ANKRD6: variants seen among roughly 807,000 people sequenced by gnomAD.
The protein encoded by ANKRD6 is ankyrin repeat domain 6.
A neutral mutation model predicts 82.3 loss-of-function variants in ANKRD6; 56 were observed. The ratio of observed to expected loss-of-function variants is 0.68; its 90% CI spans 0.55 to 0.85. The LOEUF (loss-of-function observed/expected upper bound fraction) is 0.85. ANKRD6 is among the 40% of genes least tolerant of loss of function. The pLI is 0.00. For synonymous variants in ANKRD6, 347 were observed against 352.1 expected (o/e 0.99, Z 0.16); for missense variants, 852 against 907.6 (o/e 0.94, Z 0.79).
At chr6:89,494,961 A>G (rs894451768) in intron 1 of ANKRD6, among the ~76,000 whole-genome samples, 4 of 152,176 alleles carry the variant, frequency 2.6e-5, no homozygotes, top group Non-Finnish European at 5.9e-5. Flanking sequence ...AAGGCCGGGC[A>G]CGGTGGCTCA....
intron 1 of ANKRD6, among the ~76,000 whole-genome samples, chr6:89,541,445 T>A (rs1228607842): frequency 1.6e-5 from 2 of 128,538 alleles, no homozygotes; most frequent in East Asian, 4.6e-4. Context: ...CAGGCTGGAG[T>A]GCAGTGGCGC....
intron 1 of ANKRD6, among the ~76,000 whole-genome samples, chr6:89,524,038 A>T (rs1782175620): frequency 6.6e-6 from 1 of 152,322 alleles, no homozygotes; most frequent in South Asian, 2.1e-4. Context: ...CAGGAGAGCC[A>T]GACTAGCAGG....
Position 89,631,048 on chromosome 6 carries a change from G to A in ANKRD6, c.*44G>A, listed in dbSNP as rs1807304639. ...ATGAAAGGATTCTTGAAGATTTCCA[G>A]TTTTGCAACTGCATAATAGCTATGC... On this transcript the variant is annotated 3_prime_UTR_variant, in exon 16 of 16. Coordinates refer to ENST00000339746, the MANE Select transcript of ANKRD6 (RefSeq NM_001242809.2). The A allele has an allele frequency of 1.4e-6, 2 of 1,461,386 alleles. No individual in the cohort carries two copies. Among genetic ancestry groups the A allele is most frequent in the Admixed American group, 2.7e-5 (1 of 36,792 alleles). 90.5% of individuals were successfully genotyped at this position (1,461,386 alleles called of 1,614,324 possible).
At chr6:89,581,232 C>G (rs950946590) in intron 2 of ANKRD6, among the ~76,000 whole-genome samples, 8 of 152,182 alleles carry the variant, frequency 5.3e-5, no homozygotes, top group African/African-American at 1.9e-4. Context: ...TTATGTTAAT[C>G]TCCTGCCCTT....
At chr6:89,622,983 T>G (rs1804061648) in intron 10 of ANKRD6, among the ~76,000 whole-genome samples, 1 of 118,958 alleles carries the variant, frequency 8.4e-6, no homozygotes, top group Non-Finnish European at 1.7e-5. Flanking sequence ...TCTTACTCTT[T>G]GCCATGAGTG....
chr6:89,500,064 C>T (rs553568489), intron 1 of ANKRD6, among the ~76,000 whole-genome samples: 14 of 152,148 alleles, frequency 9.2e-5, no homozygotes, highest in Non-Finnish European at 1.6e-4. Flanking sequence ...TTTATGAGGC[C>T]TGGGCTTGGG....
chr6:89,574,959 A>G (rs1275174397), intron 2 of ANKRD6, among the ~76,000 whole-genome samples: 1 of 152,192 alleles, frequency 6.6e-6, no homozygotes, highest in Non-Finnish European at 1.5e-5. Context: ...TGCAGGGGAA[A>G]TTGTCCATTT....
chr6:89,530,508 G>C (rs1236428296), intron 1 of ANKRD6, among the ~76,000 whole-genome samples: 1 of 152,128 alleles, frequency 6.6e-6, no homozygotes, highest in African/African-American at 2.4e-5. Flanking sequence ...GCCTCATTCT[G>C]TGGTGACCTT....
Position 89,623,456 on chromosome 6 carries a change from C to A in ANKRD6, c.944C>A (p.Ala315Asp). 1 of 1,610,202 alleles carries A rather than the reference C, an allele frequency of 6.2e-7. No homozygotes were observed. The highest frequency in any genetic ancestry group is 8.5e-7 in the Non-Finnish European group (1 of 1,178,276). ...ACCCCCAGCAGTGAACAGGCTGTGG[C>A]CAGAAAAGAAGAAGCCAGAGAAGAG... ...GDTPSSEQAV[A>D]RKEEAREEFL... The change falls in exon 11 of 16, where the codon GCC (alanine) becomes GAC (aspartate). Residue 315 changes from alanine (A) to aspartate (D), a missense_variant. Transcript: ENST00000339746.
rs183716842 is a variant in ANKRD6 at position 89,548,678 on chromosome 6, A to G, written c.-143-18156A>G. 3.6e-4 allele frequency among the ~76,000 whole-genome samples: 55 copies of G among 152,338 alleles called. 1 individual carries two copies. The East Asian group carries it at 9.6e-3, about 27-fold the overall frequency. On this transcript the variant is annotated intron_variant, in intron 1 of 15. Coordinates refer to ENST00000339746, the MANE Select transcript of ANKRD6 (RefSeq NM_001242809.2). ...TAAGGCAGTGCTGTAGAAGCCCAGC[A>G]TATTATAGAGAGGAGAGTTCCCACT...
intron 1 of ANKRD6, among the ~76,000 whole-genome samples, chr6:89,553,412 T>C (rs753923113): frequency 4.6e-5 from 7 of 152,156 alleles, no homozygotes; most frequent in African/African-American, 9.7e-5. Context: ...TGGGATAGCG[T>C]AGAAGAAATA....
At chr6:89,590,502 G>A (rs941606195) in intron 2 of ANKRD6, among the ~76,000 whole-genome samples, 4 of 152,202 alleles carry the variant, frequency 2.6e-5, no homozygotes, top group Non-Finnish European at 5.9e-5. Context: ...AGAGCCAGAT[G>A]CAGAGAAAAT....
At chr6:89,601,876 A>T (rs1036593299) in intron 3 of ANKRD6, 1 of 152,146 alleles carries the variant, frequency 6.6e-6, no homozygotes, top group African/African-American at 2.4e-5. Flanking sequence ...AATCTGTTTT[A>T]TCTTATGATG....
At position 89,623,411 on chromosome 6, in the gene ANKRD6, G is replaced by A. The variant is rs761712828; in HGVS notation, c.899G>A (p.Gly300Asp). The stretch of plus-strand genomic sequence containing the variant: ...TCTCTGGGCTTTTTCCTTCTGTAGG[G>A]CAGTGTCTCAGCAGGAGACACCCCC... The part of the protein sequence containing the change: ...VPRDEVAQSK[G>D]SVSAGDTPSS... The change falls in exon 11 of 16, where the codon GGC becomes GAC. Residue 300 changes from glycine (G) to aspartate (D), a missense_variant and splice_region_variant. Gly to Asp is a moderately conservative substitution (Grantham distance 94). Transcript: ENST00000339746. The A allele has an allele frequency of 1.9e-6, 3 of 1,611,828 alleles. No homozygotes were observed. The Admixed American group carries it at 5.0e-5, about 27-fold the overall frequency.
intron 3 of ANKRD6, 63 bp downstream of exon 3, chr6:89,596,077 C>T: frequency 7.1e-7 from 1 of 1,400,620 alleles, no homozygotes; most frequent in Non-Finnish European, 9.9e-7. Context: ...GCTAGAAATC[C>T]ACAAAGTGTA....
intron 2 of ANKRD6, among the ~76,000 whole-genome samples, chr6:89,578,134 G>A (rs1280854846): frequency 1.3e-5 from 2 of 152,166 alleles, no homozygotes; most frequent in African/African-American, 4.8e-5. Flanking sequence ...ACCATACGGT[G>A]TGATCTACTT....
chr6:89,511,488 T>G (rs1780544171), intron 1 of ANKRD6, among the ~76,000 whole-genome samples: 1 of 152,254 alleles, frequency 6.6e-6, no homozygotes, highest in African/African-American at 2.4e-5. Context: ...AGGCATAGTC[T>G]GTGGGGTCAG....
At chr6:89,526,126 C>T (rs372190258) in intron 1 of ANKRD6, among the ~76,000 whole-genome samples, 1 of 152,294 alleles carries the variant, frequency 6.6e-6, no homozygotes, top group Non-Finnish European at 1.5e-5. Flanking sequence ...TCGTCTTAGT[C>T]GATAAAGGGA....
At chr6:89,533,985 T>G (rs779707933) in intron 1 of ANKRD6, among the ~76,000 whole-genome samples, 8 of 152,160 alleles carry the variant, frequency 5.3e-5, no homozygotes, top group Non-Finnish European at 1.0e-4. Flanking sequence ...CAAGGTGACT[T>G]GAGAATACGT....
Sources: gnomAD v4.1 joint callset for allele counts (sites outside exome capture counted in the v4.1 genomes callset) on GRCh38, gnomAD v4.1.1 for gene constraint, MANE v1.5 for transcripts, NCBI Gene and HGNC (gene_info 2026-07-23, HGNC 2026-07-21) for gene names.